The following DIP2B variants were observed in gnomAD, a reference collection of about 807,000 sequenced individuals.
DIP2B encodes disco-interacting protein 2 homolog B.
In DIP2B, 76 loss-of-function variants were observed where a neutral mutation model predicts 198.0. That is an observed-to-expected ratio of 0.38 (90% confidence interval 0.32 to 0.46). DIP2B has a LOEUF of 0.46. Ranked by LOEUF, DIP2B falls within the 20% of genes least tolerant of loss-of-function variation. DIP2B has a pLI of 0.99. For missense variants in DIP2B, 1,559 were observed against 1,978.4 expected (o/e 0.79, Z 4.02); for synonymous variants, 701 against 739.1 (o/e 0.95, Z 0.84).
chr12:50,530,905 C>T (rs907485435), intron 1 of DIP2B, among the ~76,000 whole-genome samples: 1 of 152,030 alleles, frequency 6.6e-6, no homozygotes, highest in African/African-American at 2.4e-5. Flanking sequence ...TGGGGACATG[C>T]AAATGGAGAT....
At chr12:50,731,632 T>G (rs1940044343) in intron 31 of DIP2B, 95 bp downstream of exon 31, 1 of 1,410,224 alleles carries the variant, frequency 7.1e-7, no homozygotes, top group Non-Finnish European at 9.5e-7. Context: ...ACAGACATGT[T>G]TGCTTGCCTT....
intron 1 of DIP2B, among the ~76,000 whole-genome samples, chr12:50,555,802 T>C (rs1305052053): frequency 6.6e-6 from 1 of 151,822 alleles, no homozygotes; most frequent in African/African-American, 2.4e-5. Context: ...CTGAGCAGAG[T>C]AGGGAGGCCC....
chr12:50,678,396 G>T (rs1469551184), intron 7 of DIP2B, among the ~76,000 whole-genome samples: 1 of 152,060 alleles, frequency 6.6e-6, no homozygotes, highest in African/African-American at 2.4e-5. Flanking sequence ...TTGTGAAATT[G>T]CTACAAAAAA....
At chr12:50,617,179 G>C (rs1209751147) in intron 1 of DIP2B, among the ~76,000 whole-genome samples, 1 of 149,030 alleles carries the variant, frequency 6.7e-6, no homozygotes, top group Non-Finnish European at 1.5e-5. Context: ...TTTTTGAGAC[G>C]GAGTCTCGCT....
At position 50,671,260 on chromosome 12, in the gene DIP2B, T is replaced by G; in HGVS notation, c.502T>G (p.Leu168Val). ...AALSAALQQS[L>V]QNAESWINRS... ...GCTCTCTGCTGCCTTGCAACAGAGC[T>G]TACAGAATGCTGAGTCCTGGATCAA... The change falls in exon 5 of 38, where the codon TTA becomes GTA. Residue 168 changes from leucine to valine, a missense_variant. Leu to Val is a conservative substitution (Grantham distance 32). Coordinates refer to ENST00000301180, the MANE Select transcript of DIP2B (RefSeq NM_173602.3). 6.2e-7 allele frequency: 1 copy of G among 1,614,170 alleles called. No homozygotes were observed. The highest frequency in any genetic ancestry group is 1.3e-5 in the African/African-American group (1 of 75,042).
intron 1 of DIP2B, among the ~76,000 whole-genome samples, chr12:50,575,893 G>C (rs1958655579): frequency 6.6e-6 from 1 of 152,018 alleles, no homozygotes; most frequent in Admixed American, 6.6e-5. Flanking sequence ...GGGTAGCTGG[G>C]ATTATAGGCA....
intron 12 of DIP2B, 83 bp downstream of exon 12, chr12:50,686,765 T>C: frequency 7.5e-7 from 1 of 1,328,104 alleles, no homozygotes; most frequent in South Asian, 1.4e-5. Flanking sequence ...ACTGAATTTT[T>C]GCAACGTTAA....
intron 1 of DIP2B, among the ~76,000 whole-genome samples, chr12:50,545,328 ATCCCTCCC>A (rs1257401433): frequency 1.5e-5 from 2 of 132,970 alleles, no homozygotes; most frequent in African/African-American, 2.8e-5. Context: ...TCCTCCCTTC[ATCCCTCCC>A]TCCCTCCCTC....
At chr12:50,546,324 A>C (rs145107760) in intron 1 of DIP2B, among the ~76,000 whole-genome samples, 1 of 152,246 alleles carries the variant, frequency 6.6e-6, no homozygotes, top group East Asian at 1.9e-4. Context: ...CCGTGTTGTG[A>C]AAAATTCTTT....
chr12:50,619,061 C>T (rs914776929), intron 1 of DIP2B, among the ~76,000 whole-genome samples: 1 of 152,144 alleles, frequency 6.6e-6, no homozygotes, highest in African/African-American at 2.4e-5. Context: ...CCACCCCTGA[C>T]TGCATAGCTG....
At chr12:50,542,499 T>C (rs750339733) in intron 1 of DIP2B, among the ~76,000 whole-genome samples, 7 of 152,140 alleles carry the variant, frequency 4.6e-5, no homozygotes, top group Non-Finnish European at 8.8e-5. Context: ...ATATAGAGTA[T>C]TATGTTCATG....
chr12:50,699,623 C>T (rs760483622), intron 19 of DIP2B, among the ~76,000 whole-genome samples: 1 of 151,986 alleles, frequency 6.6e-6, no homozygotes, highest in Non-Finnish European at 1.5e-5. Context: ...AAGGATTGCT[C>T]TTACTGAGGC....
chr12:50,630,732 C>CGT (rs1279872614), intron 2 of DIP2B, among the ~76,000 whole-genome samples: 4 of 127,130 alleles, frequency 3.1e-5, no homozygotes, highest in African/African-American at 1.2e-4. Context: ...AGTGCAATGG[C>CGT]GTGATCTCGG....
intron 1 of DIP2B, among the ~76,000 whole-genome samples, chr12:50,540,436 A>G (rs531213030): frequency 6.9e-6 from 1 of 144,562 alleles, no homozygotes; most frequent in Non-Finnish European, 1.5e-5. Context: ...TATAGTTATT[A>G]ATATTAAAAA....
At chr12:50,597,296 A>G (rs759474094) in intron 1 of DIP2B, among the ~76,000 whole-genome samples, 1 of 152,256 alleles carries the variant, frequency 6.6e-6, no homozygotes, top group Admixed American at 6.5e-5. Flanking sequence ...CATTTAAAAA[A>G]TATTTTAAGA....
At chr12:50,632,856 A>G (rs1275904374) in intron 2 of DIP2B, among the ~76,000 whole-genome samples, 1 of 152,136 alleles carries the variant, frequency 6.6e-6, no homozygotes, top group Non-Finnish European at 1.5e-5. Context: ...ATCTTTTTAA[A>G]TAAAAAGTTA....
chr12:50,535,172 C>T (rs1187272731), intron 1 of DIP2B, among the ~76,000 whole-genome samples: 2 of 152,008 alleles, frequency 1.3e-5, no homozygotes, highest in Non-Finnish European at 2.9e-5. Context: ...GTCAAGGCTG[C>T]AGTGAGCAGT....
chr12:50,552,715 C>T (rs1397898468), intron 1 of DIP2B, among the ~76,000 whole-genome samples: 1 of 152,038 alleles, frequency 6.6e-6, no homozygotes, highest in African/African-American at 2.4e-5. Context: ...GGCGTCATAT[C>T]CAAGAAATTC....
chr12:50,686,949 G>A (rs985355199), intron 12 of DIP2B: 6 of 298,708 alleles, frequency 2.0e-5, no homozygotes, highest in African/African-American at 1.3e-4. Context: ...GGAAGTACAA[G>A]CGTTTAGGAA....
Sources: allele counts gnomAD v4.1 joint callset (sites outside exome capture counted in the v4.1 genomes callset), GRCh38; gene constraint gnomAD v4.1.1; transcripts MANE v1.5; gene names NCBI Gene and HGNC (gene_info 2026-07-23, HGNC 2026-07-21).